Variants in GABRG3 observed in about 807,000 individuals in gnomAD.
GABRG3 encodes gamma-aminobutyric acid type A receptor subunit gamma3, also known as gamma-aminobutyric acid receptor subunit gamma-3.
GABRG3 carries 25 observed loss-of-function variants against 48.8 expected under a neutral mutation model. The ratio of observed to expected loss-of-function variants is 0.51; its 90% confidence interval spans 0.37 to 0.72. The LOEUF (loss-of-function observed/expected upper bound fraction) is 0.72. Among genes scored for constraint, GABRG3 ranks in the 30% least tolerant of loss-of-function variants. The pLI is 0.00. For missense variants in GABRG3, 394 were observed against 577.9 expected (o/e 0.68, Z 3.26); for synonymous variants, 227 against 217.6 (o/e 1.04, Z -0.38).
chr15:27,209,162 C>G (rs932077116), intron 3 of GABRG3, among the ~76,000 whole-genome samples: 1 of 152,142 alleles, frequency 6.6e-6, no homozygotes, highest in African/African-American at 2.4e-5. Context: ...GATCATTGGC[C>G]ATCAGTCACA....
chr15:27,261,454 C>T (rs1261567098), intron 3 of GABRG3, among the ~76,000 whole-genome samples: 1 of 151,614 alleles, frequency 6.6e-6, no homozygotes, highest in East Asian at 1.9e-4. Flanking sequence ...TGGAGGGATT[C>T]GGGTTGGTGA....
intron 3 of GABRG3, among the ~76,000 whole-genome samples, chr15:27,306,681 T>TAC (rs774455938): frequency 2.8e-5 from 1 of 35,790 alleles, no homozygotes; most frequent in Non-Finnish European, 6.3e-5. Flanking sequence ...TATAAACATA[T>TAC]ATATGAACAT....
chr15:27,213,988 C>T (rs1889157829), intron 3 of GABRG3, among the ~76,000 whole-genome samples: 1 of 152,122 alleles, frequency 6.6e-6, no homozygotes, highest in African/African-American at 2.4e-5. Context: ...TATTATTGAC[C>T]ATGGATTTGG....
At chr15:27,312,940 T>C (rs964870340) in intron 3 of GABRG3, among the ~76,000 whole-genome samples, 2 of 150,768 alleles carry the variant, frequency 1.3e-5, no homozygotes, top group South Asian at 4.2e-4. Flanking sequence ...AAGTATAAAA[T>C]ATAACTAAAA....
At chr15:27,481,199 C>T in intron 6 of GABRG3, 1 of 997,432 alleles carries the variant, frequency 1.0e-6, no homozygotes, top group Non-Finnish European at 1.2e-6. Flanking sequence ...CTTTTATTTA[C>T]TCTAAGTTTT....
chr15:27,192,133 C>T (rs1033320548), intron 3 of GABRG3, among the ~76,000 whole-genome samples: 1 of 151,650 alleles, frequency 6.6e-6, no homozygotes, highest in African/African-American at 2.4e-5. Context: ...GGTAACCCGA[C>T]CTTTCTCTCT....
intron 5 of GABRG3, among the ~76,000 whole-genome samples, chr15:27,462,442 A>C (rs1427845674): frequency 6.6e-6 from 1 of 152,226 alleles, no homozygotes; most frequent in Non-Finnish European, 1.5e-5. Context: ...TGGATAGAGA[A>C]AAGTAAAACA....
intron 6 of GABRG3, among the ~76,000 whole-genome samples, chr15:27,500,960 T>G (rs936161108): frequency 2.7e-5 from 4 of 148,862 alleles, no homozygotes; most frequent in Non-Finnish European, 4.5e-5. Flanking sequence ...ATGTTTTTTT[T>G]TTTTTTTTTT....
chr15:27,333,747 G>A (rs931317811), intron 5 of GABRG3, among the ~76,000 whole-genome samples: 1 of 152,098 alleles, frequency 6.6e-6, no homozygotes, highest in African/African-American at 2.4e-5. Context: ...TGGTCGATAT[G>A]CCACTCACAA....
intron 2 of GABRG3, among the ~76,000 whole-genome samples, chr15:27,000,492 G>A (rs1305398313): frequency 6.6e-6 from 1 of 152,172 alleles, no homozygotes; most frequent in African/African-American, 2.4e-5. Flanking sequence ...AATTCCCAGT[G>A]TTGGAGGTGG....
In GABRG3 at chr15:27,379,005, T is replaced by C. The variant is rs189541253; in HGVS notation, c.574+50117T>C. Among the ~76,000 whole-genome samples the C allele has an allele frequency of 3.1e-3, 471 of 152,278 alleles. 1 individual carries two copies. Among genetic ancestry groups the C allele is most frequent in the Non-Finnish European group, 5.7e-3 (387 of 68,014 alleles). Reference sequence around the variant, plus strand: ...GCATAAGTTTGTGTATGAATGTGTATGTATGTGGATATGTGAATGTTTGTA... The same window carrying C: ...GCATAAGTTTGTGTATGAATGTGTACGTATGTGGATATGTGAATGTTTGTA... On this transcript the variant is annotated intron_variant, in intron 5 of 9. Transcript: ENST00000615808.
rs534909787 is a variant in GABRG3, at chr15:27,427,376, G to A, written c.575-53274G>A. 2.6e-4 allele frequency among the ~76,000 whole-genome samples: 39 copies of A among 152,276 alleles called. No homozygotes were observed. In the South Asian group the frequency reaches 7.5e-3, roughly 29 times the overall value. On this transcript the variant is annotated intron_variant, in intron 5 of 9. Transcript: ENST00000615808. ...AGTGCAGTGTGGCTGCCAAGAGTTT[G>A]CTATTAGAAAGTCTGTGTTCAGGTT...
chr15:27,128,387 A>G (rs1382068616), intron 3 of GABRG3, among the ~76,000 whole-genome samples: 1 of 152,078 alleles, frequency 6.6e-6, no homozygotes, highest in African/African-American at 2.4e-5. Context: ...GTGCTTTAAG[A>G]CTTATCTCAG....
At chr15:27,341,177 G>A (rs550436584) in intron 5 of GABRG3, among the ~76,000 whole-genome samples, 1 of 152,160 alleles carries the variant, frequency 6.6e-6, no homozygotes, top group South Asian at 2.1e-4. Flanking sequence ...CTAGTGCGAT[G>A]GTGTAGGAGA....
At chr15:27,224,090 G>T (rs1037684896) in intron 3 of GABRG3, among the ~76,000 whole-genome samples, 3 of 152,138 alleles carry the variant, frequency 2.0e-5, no homozygotes, top group Admixed American at 6.5e-5. Context: ...GGTGATGTAC[G>T]TGGAAGCCGT....
At chr15:27,139,409 G>T (rs936459662) in intron 3 of GABRG3, among the ~76,000 whole-genome samples, 3 of 152,082 alleles carry the variant, frequency 2.0e-5, no homozygotes, top group Non-Finnish European at 2.9e-5. Context: ...TTCTATCTGG[G>T]CCCTCAGCAG....
chr15:27,362,610 A>G (rs1895060083), intron 5 of GABRG3: 1 of 152,238 alleles, frequency 6.6e-6, no homozygotes, highest in African/African-American at 2.4e-5. Context: ...CATGAAAAAT[A>G]TACACATGGT....
At chr15:27,070,511 C>T (rs1283156223) in intron 3 of GABRG3, among the ~76,000 whole-genome samples, 2 of 152,212 alleles carry the variant, frequency 1.3e-5, no homozygotes, top group Admixed American at 1.3e-4. Context: ...GTAAAATTTC[C>T]TCTCTTGCAC....
At chr15:26,977,846 C>T (rs980876831) in intron 2 of GABRG3, among the ~76,000 whole-genome samples, 9 of 152,130 alleles carry the variant, frequency 5.9e-5, no homozygotes, top group African/African-American at 1.9e-4. Context: ...CCCAGGAGTA[C>T]GATTGCTGGG....
Sources: allele counts gnomAD v4.1 joint callset (sites outside exome capture counted in the v4.1 genomes callset), GRCh38; gene constraint gnomAD v4.1.1; transcripts MANE v1.5; gene names NCBI Gene and HGNC (gene_info 2026-07-23, HGNC 2026-07-21).